DCHS2: variants seen among roughly 807,000 people sequenced by gnomAD.
DCHS2 encodes dachsous cadherin-related 2.
Under a neutral mutation model 182.4 loss-of-function variants are expected in DCHS2, and 142 were observed. The observed-to-expected ratio is 0.78, with a 90% CI of 0.68 to 0.89. DCHS2 has a LOEUF of 0.89. Ranked by LOEUF, DCHS2 falls within the 40% of genes least tolerant of loss-of-function variation. DCHS2 has a pLI of 0.00. For missense variants in DCHS2, 4,319 were observed against 4,198.6 expected (o/e 1.03, Z -0.79); for synonymous variants, 1,740 against 1,663.3 (o/e 1.05, Z -1.12).
chr4:154,287,317 C>T (rs559230830), intron 13 of DCHS2, among the ~76,000 whole-genome samples: 6 of 152,214 alleles, frequency 3.9e-5, no homozygotes, highest in Admixed American at 3.3e-4. Flanking sequence ...TATTATAACA[C>T]TGTAACTGTG....
intron 1 of DCHS2, among the ~76,000 whole-genome samples, chr4:154,435,836 T>G (rs1441455433): frequency 6.6e-6 from 1 of 152,188 alleles, no homozygotes; most frequent in Non-Finnish European, 1.5e-5. Flanking sequence ...TTTATCTTGT[T>G]GTTAGTGCCA....
rs116219683 is a variant in DCHS2, at chr4:154,368,719, G to A, written c.2245-2278C>T. Among the ~76,000 whole-genome samples the A allele has an allele frequency of 3.3e-5, 5 of 152,120 alleles. No individual in the cohort carries two copies. The South Asian group carries it at 6.2e-4, about 19-fold the overall frequency. The stretch of plus-strand genomic sequence containing the variant: ...TTGGTAGAGATGGTCGACTGGTCTC[G>A]AACTCCTGACCTCAGGTGATCCACC... On this transcript the variant is annotated intron_variant, in intron 2 of 19. Coordinates refer to ENST00000357232, the MANE Select transcript of DCHS2 (RefSeq NM_001358235.2).
rs1732881303 is a variant in DCHS2 at position 154,259,692 on chromosome 4, G to A, written c.6642C>T (p.Ile2214=). The A allele has an allele frequency of 6.2e-7, 1 of 1,613,924 alleles. No homozygotes were observed. Residue 2214 remains isoleucine, a synonymous_variant, in exon 15 of 20, where the codon ATC becomes ATT. Coordinates refer to ENST00000357232, the MANE Select transcript of DCHS2 (RefSeq NM_001358235.2). The part of the protein sequence containing the change: ...DFEVRNEVQL[I]VLAESSGHRA... ...TATGCCCACTACTTTCAGCTAAAAC[G>A]ATGAGTTGAACCTCATTTCTGACTT... is the stretch of plus-strand genomic sequence containing the variant.
At chr4:154,414,474 TC>T (rs1732751046) in intron 1 of DCHS2, among the ~76,000 whole-genome samples, 1 of 133,342 alleles carries the variant, frequency 7.5e-6, no homozygotes, top group Admixed American at 8.0e-5. Flanking sequence ...AAAAAATATC[TC>T]CATACAGCTT....
Position 154,298,279 on chromosome 4 carries a change from C to T in DCHS2, c.6035G>A (p.Cys2012Tyr), listed in dbSNP as rs991974614. ...GGTGCTTCGTGAACCCTGGATGCTA[C>T]AGTCTCTGGCCACAGCACTAAATGT... ...QHTFSAVARD[C>Y]SIQGSRSTTV... Residue 2012 changes from cysteine (C) to tyrosine (Y), a missense_variant, in exon 13 of 20, where the codon TGT becomes TAT. Coordinates refer to ENST00000357232, the MANE Select transcript of DCHS2 (RefSeq NM_001358235.2). The T allele has an allele frequency of 1.2e-6, 2 of 1,614,064 alleles. No individual in the cohort carries two copies. The highest frequency in any genetic ancestry group is 1.3e-5 in the African/African-American group (1 of 74,930).
chr4:154,408,565 G>C (rs533616438), intron 1 of DCHS2, among the ~76,000 whole-genome samples: 1 of 152,112 alleles, frequency 6.6e-6, no homozygotes, highest in Non-Finnish European at 1.5e-5. Context: ...ATGCAATAAA[G>C]CAAGATAGCC....
At position 154,234,738 on chromosome 4, in the gene DCHS2, G is replaced by A. The variant is rs1374963952; in HGVS notation, c.9914C>T (p.Pro3305Leu). 6.2e-7 allele frequency: 1 copy of A among 1,613,964 alleles called. No homozygotes were observed. The highest frequency in any genetic ancestry group is 8.5e-7 in the Non-Finnish European group (1 of 1,179,942). ...RMPAVNLGQVPPKHPRSPIPY... is the reference protein window; with the variant it reads ...RMPAVNLGQVLPKHPRSPIPY... ...GATGGGAGAGCGTGGGTGTTTCGGA[G>A]GCACCTGCCCCAGGTTTACTGCCGG... Residue 3305 changes from proline to leucine, a missense_variant, in exon 20 of 20, where the codon CCT becomes CTT. Coordinates refer to ENST00000357232, the MANE Select transcript of DCHS2 (RefSeq NM_001358235.2).
At chr4:154,327,945 T>C (rs969385869) in intron 7 of DCHS2, 148 bp downstream of exon 7, 2 of 455,720 alleles carry the variant, frequency 4.4e-6, no homozygotes, top group Non-Finnish European at 7.5e-6. Flanking sequence ...ATAGCAAATG[T>C]ATTTTGTTTG....
chr4:154,476,251 C>G (rs554982020), intron 1 of DCHS2, among the ~76,000 whole-genome samples: 5 of 152,250 alleles, frequency 3.3e-5, no homozygotes, highest in African/African-American at 9.6e-5. Flanking sequence ...AAAGACCAAA[C>G]AGCAGATTAT....
In DCHS2 at chr4:154,305,038, GT is replaced by G. The variant is rs1403843745; in HGVS notation, c.5395+58del. The G allele has an allele frequency of 1.9e-5, 28 of 1,509,992 alleles. No homozygotes were observed. In the Admixed American group the frequency reaches 2.0e-4, roughly 11 times the overall value. 93.5% of individuals were successfully genotyped at this position (1,509,992 alleles called of 1,614,324 possible). On this transcript the variant is annotated intron_variant, in intron 11 of 19. Coordinates refer to ENST00000357232, the MANE Select transcript of DCHS2 (RefSeq NM_001358235.2). ...AATATAACATTTCACCACTTAACAG[GT>G]TTTTTTTAAATTTAATTTTTAATTT...
rs747013250 is a variant in DCHS2, at chr4:154,320,482, G to T, written c.4917C>A (p.His1639Gln). The T allele has an allele frequency of 6.2e-7, 1 of 1,614,074 alleles. No homozygotes were observed. The highest frequency in any genetic ancestry group is 1.1e-5 in the South Asian group (1 of 91,080). ...CGTCTGGATCGTGAGCAGTTATGTG[G>T]TGGACCAAGGAGCCCACTGTGACAT... ...KEDVTVGSLV[H>Q]HITAHDPDEG... is the part of the protein sequence containing the mutation. Residue 1639 changes from histidine to glutamine, a missense_variant, in exon 9 of 20, where the codon CAC becomes CAA. Physicochemically the swap from His to Gln is conservative, Grantham distance 24. Transcript: ENST00000357232.
chr4:154,420,262 T>A (rs141630238), intron 1 of DCHS2, among the ~76,000 whole-genome samples: 1 of 131,180 alleles, frequency 7.6e-6, no homozygotes, highest in African/African-American at 2.6e-5. Flanking sequence ...GATAGATAGA[T>A]AGATAGATAG....
chr4:154,474,145 C>A (rs2111024128), intron 1 of DCHS2, among the ~76,000 whole-genome samples: 1 of 152,290 alleles, frequency 6.6e-6, no homozygotes, highest in African/African-American at 2.4e-5. Context: ...CTTTACAGGG[C>A]CTTCTCCCCT....
chr4:154,367,949 G>A (rs1320121860), intron 2 of DCHS2, among the ~76,000 whole-genome samples: 1 of 152,064 alleles, frequency 6.6e-6, no homozygotes, highest in Non-Finnish European at 1.5e-5. Context: ...GAGGTCCCTT[G>A]TACTCCAGGC....
chr4:154,315,966 G>C lies in DCHS2; in HGVS notation c.5042C>G (p.Pro1681Arg). The change falls in exon 10 of 20, where the codon CCT becomes CGT. Residue 1681 changes from proline (P) to arginine (R), a missense_variant. Physicochemically the swap from Pro to Arg is moderately radical, Grantham distance 103. Coordinates refer to ENST00000357232, the MANE Select transcript of DCHS2 (RefSeq NM_001358235.2). ...CTGAGTTTTCATTTCATAATCCAAA[G>C]GACAGGTTGTGGTTAGTAAGCCTGT... ...ESSGLLTTTC[P>R]LDYEMKTQHI... 6.2e-7 allele frequency: 1 copy of C among 1,613,952 alleles called. No homozygotes were observed. Among genetic ancestry groups the C allele is most frequent in the South Asian group, 1.1e-5 (1 of 91,072 alleles).
chr4:154,261,203 A>G (rs1344297057), intron 14 of DCHS2, among the ~76,000 whole-genome samples: 1 of 152,224 alleles, frequency 6.6e-6, no homozygotes. Flanking sequence ...TGTGACCTGG[A>G]TAAGTTATGC....
chr4:154,322,362 G>T lies in DCHS2; in HGVS notation c.4145C>A (p.Pro1382His). 1.2e-6 allele frequency: 2 copies of T among 1,613,690 alleles called. No homozygotes were observed. Among genetic ancestry groups the T allele is most frequent in the South Asian group, 1.1e-5 (1 of 91,050 alleles). The change falls in exon 8 of 20, where the codon CCT becomes CAT. Residue 1382 changes from proline to histidine, a missense_variant. Transcript: ENST00000357232. ...SVIATDQGVP[P>H]LQGQAVVNIQ... ...ATTAACAACTGCCTGTCCTTGAAGAGGAGGCACTCCCTGGTCAGTGGCAAT... is the reference window on the plus strand; with the variant it reads ...ATTAACAACTGCCTGTCCTTGAAGATGAGGCACTCCCTGGTCAGTGGCAAT...
At chr4:154,355,429 C>T (rs1047982273) in intron 3 of DCHS2, among the ~76,000 whole-genome samples, 1 of 152,174 alleles carries the variant, frequency 6.6e-6, no homozygotes, top group Admixed American at 6.5e-5. Flanking sequence ...GAATTTCCTG[C>T]CCCTTTCCCA....
In DCHS2 at chr4:154,236,481, A is replaced by T; in HGVS notation, c.8171T>A (p.Leu2724Ter). The T allele has an allele frequency of 1.2e-6, 2 of 1,614,084 alleles. No individual in the cohort carries two copies. The highest frequency in any genetic ancestry group is 1.7e-6 in the Non-Finnish European group (2 of 1,179,978). Residue 2724 changes from leucine (L) to a stop codon, truncating the protein, a stop_gained, in exon 20 of 20, where the codon TTG (leucine) becomes TAG (stop). Coordinates refer to ENST00000357232, the MANE Select transcript of DCHS2 (RefSeq NM_001358235.2). LOFTEE classifies it low-confidence loss of function (END_TRUNC). Reference sequence around the variant, plus strand: ...TTTTTCATAATCCAGAGGTTTAATCAAATAAAGAACTCCAGTGTTTTCTTC... The same window carrying T: ...TTTTTCATAATCCAGAGGTTTAATCTAATAAAGAACTCCAGTGTTTTCTTC... ...YLEENTGVLY[L>*]IKPLDYEKMT...
Sources: gnomAD v4.1 joint callset for allele counts (sites outside exome capture counted in the v4.1 genomes callset) on GRCh38, gnomAD v4.1.1 for gene constraint, MANE v1.5 for transcripts, NCBI Gene and HGNC (gene_info 2026-07-23, HGNC 2026-07-21) for gene names.